Variants in PSD3 observed in about 807,000 individuals in gnomAD.
PSD3 encodes the protein pleckstrin and Sec7 domain containing 3, also known as PH and SEC7 domain-containing protein 3.
PSD3 carries 49 observed loss-of-function variants against 105.5 expected under a neutral mutation model. The observed-to-expected ratio is 0.46, with a 90% CI of 0.37 to 0.59. The LOEUF (loss-of-function observed/expected upper bound fraction) is 0.59, where lower values mean the gene tolerates loss of function less well. Ranked by LOEUF, PSD3 falls within the 20% of genes least tolerant of loss-of-function variation. The probability of loss-of-function intolerance (pLI) is 0.00; values close to 1 mark genes in which losing one functional copy is unlikely to be tolerated. For missense variants in PSD3, 1,561 were observed against 1,263.8 expected, an observed-to-expected ratio of 1.24 and a Z score of -3.57; for synonymous variants, 557 against 457.8, an observed-to-expected ratio of 1.22 and a Z score of -2.77.
intron 9 of PSD3, among the ~76,000 whole-genome samples, chr8:18,752,624 A>ATTATATATAATATATATAATATATT (rs1563225854): frequency 1.1e-5 from 1 of 87,860 alleles, no homozygotes; most frequent in Non-Finnish European, 1.9e-5. Context: ...TATAATATAT[A>ATTATATATAATATATATAATATATT]TTATATATAA....
chr8:18,720,124 A>G (rs776035956), intron 9 of PSD3, among the ~76,000 whole-genome samples: 5 of 152,142 alleles, frequency 3.3e-5, no homozygotes, highest in Non-Finnish European at 5.9e-5. Context: ...GGAAACTCAT[A>G]TATGTAGAGA....
rs140932322 is a variant in PSD3 at position 18,962,960 on chromosome 8, G to A, written c.22-26818C>T. 4.2e-3 allele frequency among the ~76,000 whole-genome samples: 646 copies of A among 152,294 alleles called. 5 individuals are homozygous for A. Among genetic ancestry groups the A allele is most frequent in the African/African-American group, 0.014 (582 of 41,560 alleles). ...GCCTACACAACATATGTATTAGTCC[G>A]TTTTCACGCTGCTGATAAAGACATA... On this transcript the variant is annotated intron_variant, in intron 1 of 15. Coordinates refer to ENST00000327040, the MANE Select transcript of PSD3 (RefSeq NM_015310.4).
At chr8:18,925,563 C>T (rs1285082830) in intron 2 of PSD3, among the ~76,000 whole-genome samples, 1 of 152,034 alleles carries the variant, frequency 6.6e-6, no homozygotes, top group Non-Finnish European at 1.5e-5. Context: ...AAATCTGAAA[C>T]GTTGGAGTGC....
At chr8:18,890,009 G>C (rs56254557) in intron 2 of PSD3, among the ~76,000 whole-genome samples, 10,645 of 152,164 alleles carry the variant, frequency 0.07, 377 homozygotes, top group Middle Eastern at 0.099. Flanking sequence ...AGGCAAGCAA[G>C]CTATTATTGC....
intron 2 of PSD3, among the ~76,000 whole-genome samples, chr8:18,928,702 T>A (rs1045791558): frequency 6.6e-6 from 1 of 151,950 alleles, no homozygotes; most frequent in African/African-American, 2.4e-5. Flanking sequence ...CTTTTTATCT[T>A]TCTCTTTTTC....
chr8:18,575,380 A>T, intron 12 of PSD3, 95 bp from the exon 13 acceptor site: 1 of 1,207,394 alleles, frequency 8.3e-7, no homozygotes. Context: ...GTTTTTAGGA[A>T]ATCCAAGTAA....
chr8:18,793,267 C>T (rs1214664214), intron 8 of PSD3, among the ~76,000 whole-genome samples: 1 of 151,006 alleles, frequency 6.6e-6, no homozygotes, highest in Non-Finnish European at 1.5e-5. Context: ...CACACACATA[C>T]ATATGTAACA....
At chr8:18,961,924 C>A (rs1169055826) in intron 1 of PSD3, among the ~76,000 whole-genome samples, 1 of 152,040 alleles carries the variant, frequency 6.6e-6, no homozygotes, top group Non-Finnish European at 1.5e-5. Flanking sequence ...TGCTTTCCTG[C>A]GAAAACCATG....
At chr8:18,806,856 T>C (rs184562340) in intron 4 of PSD3, among the ~76,000 whole-genome samples, 35 of 152,328 alleles carry the variant, frequency 2.3e-4, no homozygotes, top group African/African-American at 7.9e-4. Context: ...AAATATTCTA[T>C]TATAATCATT....
intron 9 of PSD3, among the ~76,000 whole-genome samples, chr8:18,715,070 A>T (rs535842820): frequency 1.1e-3 from 167 of 152,344 alleles, no homozygotes; most frequent in African/African-American, 3.7e-3. Context: ...CATAAGTGGG[A>T]GATGAACAAG....
chr8:19,068,283 C>T (rs1829142485), intron 1 of PSD3, among the ~76,000 whole-genome samples: 1 of 151,600 alleles, frequency 6.6e-6, no homozygotes, highest in African/African-American at 2.4e-5. Flanking sequence ...CTCTACTCTT[C>T]CTCCTCTTTT....
At chr8:18,807,426 GAA>G (rs996200660) in intron 4 of PSD3, among the ~76,000 whole-genome samples, 3 of 152,174 alleles carry the variant, frequency 2.0e-5, no homozygotes, top group African/African-American at 4.8e-5. Context: ...TAAGAATAGG[GAA>G]AAGAGAGAGA....
chr8:18,958,623 C>G (rs1037495490), intron 1 of PSD3, among the ~76,000 whole-genome samples: 1 of 152,014 alleles, frequency 6.6e-6, no homozygotes, highest in Non-Finnish European at 1.5e-5. Context: ...TGGCTTTATC[C>G]TAAGAATGCC....
At position 18,867,853 on chromosome 8, in the gene PSD3, G is replaced by A. The variant is rs779161835; in HGVS notation, c.1455C>T (p.Arg485=). 6 of 1,614,124 alleles carry A rather than the reference G, an allele frequency of 3.7e-6. No individual in the cohort carries two copies. Among genetic ancestry groups the A allele is most frequent in the Non-Finnish European group, 4.2e-6 (5 of 1,180,010 alleles). ...EMPLTPMIQQ[R]IKEGGQFLER... ...CCAAGAACTGACCACCTTCTTTAAT[G>A]CGCTGTTGTATCATTGGAGTGAGGG... The change falls in exon 4 of 16, where the codon CGC becomes CGT. Residue 485 remains arginine, a synonymous_variant. Transcript: ENST00000327040.
Position 18,868,074 on chromosome 8 carries a change from A to C in PSD3, c.1239-5T>G. The C allele has an allele frequency of 6.3e-7, 1 of 1,590,682 alleles. No individual in the cohort carries two copies. Among genetic ancestry groups the C allele is most frequent in the South Asian group, 1.2e-5 (1 of 86,118 alleles). ...TGCTCCTCTTGTTCGCTGATCCTGG[A>C]AAGTAAATAAGAGTGAAGAATTCCA... On this transcript the variant is annotated splice_region_variant and splice_polypyrimidine_tract_variant and intron_variant, in intron 3 of 15. Coordinates refer to ENST00000327040, the MANE Select transcript of PSD3 (RefSeq NM_015310.4).
intron 4 of PSD3, among the ~76,000 whole-genome samples, chr8:18,860,471 C>T (rs1340286280): frequency 6.8e-6 from 1 of 147,982 alleles, no homozygotes; most frequent in Non-Finnish European, 1.5e-5. Context: ...AAAAAAAAAA[C>T]AGAGTATCTT....
At position 18,595,438 on chromosome 8, in the gene PSD3, T is replaced by C. The variant is rs574456174; in HGVS notation, c.2481+4926A>G. Among the ~76,000 whole-genome samples, 88 of 64,464 alleles carry C rather than the reference T, an allele frequency of 1.4e-3. 2 individuals are homozygous for C. Among genetic ancestry groups the C allele is most frequent in the African/African-American group, 3.5e-3 (83 of 23,742 alleles). 42.3% of individuals were successfully genotyped at this position (64,464 alleles called of 152,430 possible). A position where few individuals can be genotyped will look rare whatever the true frequency, so the allele number is the denominator to read the frequency against. ...ACAGCTGGGAGTGTGGTTGAATGTA[T>C]TGAGAGAGAGAGAGACAGAGAGACA... On this transcript the variant is annotated intron_variant, in intron 12 of 15. Coordinates refer to ENST00000327040, the MANE Select transcript of PSD3 (RefSeq NM_015310.4).
intron 15 of PSD3, among the ~76,000 whole-genome samples, chr8:18,537,925 C>A (rs1185157775): frequency 6.6e-6 from 1 of 152,202 alleles, no homozygotes; most frequent in African/African-American, 2.4e-5. Flanking sequence ...GATCCACCCG[C>A]CTCGGCCTCC....
chr8:18,758,393 G>A (rs1443634454), intron 9 of PSD3, among the ~76,000 whole-genome samples: 1 of 150,912 alleles, frequency 6.6e-6, no homozygotes, highest in East Asian at 2.0e-4. Context: ...AACTCAGAAA[G>A]AGAGATGGGT....
Sources: gnomAD v4.1 joint callset for allele counts (sites outside exome capture counted in the v4.1 genomes callset) on GRCh38, gnomAD v4.1.1 for gene constraint, MANE v1.5 for transcripts, NCBI Gene and HGNC (gene_info 2026-07-23, HGNC 2026-07-21) for gene names.